Variants in COL19A1 observed in about 807,000 individuals in gnomAD.
COL19A1 encodes collagen type XIX alpha 1 chain, also known as collagen alpha-1(XIX) chain.
In COL19A1, 159 loss-of-function variants were observed where a neutral mutation model predicts 190.2. The observed-to-expected ratio is 0.84, with a 90% CI of 0.73 to 0.95. COL19A1 has a LOEUF of 0.95. Ranked by LOEUF, COL19A1 falls within the 40% of genes least tolerant of loss-of-function variation. COL19A1 has a pLI of 0.00. For missense variants in COL19A1, 1,418 were observed against 1,431.9 expected, an observed-to-expected ratio of 0.99 and a Z score of 0.16; for synonymous variants, 509 against 458.9, an observed-to-expected ratio of 1.11 and a Z score of -1.39.
chr6:69,891,922 A>T (rs561257599), intron 2 of COL19A1, among the ~76,000 whole-genome samples: 10 of 152,220 alleles, frequency 6.6e-5, no homozygotes, highest in African/African-American at 1.9e-4. Flanking sequence ...TAGGGCTTTG[A>T]CCAGAAGCTT....
Position 70,171,084 on chromosome 6 carries a change from A to G in COL19A1, c.2569-880A>G, listed in dbSNP as rs141873310. ...AACCCATGGCCCATGGGCTGCATGC[A>G]GCTCAGGAAAGCTTTGAATATGGCC... On this transcript the variant is annotated intron_variant, in intron 40 of 50. Coordinates refer to ENST00000620364, the MANE Select transcript of COL19A1 (RefSeq NM_001858.6). 2.2e-3 allele frequency among the ~76,000 whole-genome samples: 331 copies of G among 152,334 alleles called. 3 individuals carry two copies. The highest frequency in any genetic ancestry group is 0.018 in the East Asian group (92 of 5,190).
At chr6:70,132,458 C>A (rs1487145755) in intron 18 of COL19A1, among the ~76,000 whole-genome samples, 1 of 152,132 alleles carries the variant, frequency 6.6e-6, no homozygotes, top group Non-Finnish European at 1.5e-5. Context: ...GAAATCAACT[C>A]TACCTATGTA....
At chr6:69,997,370 C>T (rs1776977310) in intron 11 of COL19A1, among the ~76,000 whole-genome samples, 1 of 152,182 alleles carries the variant, frequency 6.6e-6, no homozygotes, top group African/African-American at 2.4e-5. Context: ...GATGTGGTGG[C>T]TCACGCCTGT....
intron 12 of COL19A1, among the ~76,000 whole-genome samples, chr6:70,025,273 G>A (rs1407361147): frequency 2.6e-5 from 4 of 152,088 alleles, no homozygotes; most frequent in South Asian, 2.1e-4. Context: ...CTCGTGATCC[G>A]CCCGCGTCGG....
Position 70,137,711 on chromosome 6 carries a change from A to C in COL19A1, c.1410A>C (p.Pro470=). Residue 470 remains proline, a synonymous_variant, in exon 19 of 51, where the codon CCA becomes CCC. Coordinates refer to ENST00000620364, the MANE Select transcript of COL19A1 (RefSeq NM_001858.6). ...DKGETGLPGF[P]GSVGPKGQKG... ...GTGAAACTGGACTACCAGGATTTCCAGGGTCTGTTGGCCCTAAAGGACAAA... is the reference window on the plus strand; with the variant it reads ...GTGAAACTGGACTACCAGGATTTCCCGGGTCTGTTGGCCCTAAAGGACAAA... 1 of 1,613,402 alleles carries C rather than the reference A, an allele frequency of 6.2e-7. No individual in the cohort carries two copies. Among genetic ancestry groups the C allele is most frequent in the Non-Finnish European group, 8.5e-7 (1 of 1,179,456 alleles).
At chr6:69,985,815 T>C (rs1776280189) in intron 11 of COL19A1, among the ~76,000 whole-genome samples, 1 of 152,170 alleles carries the variant, frequency 6.6e-6, no homozygotes, top group South Asian at 2.1e-4. Context: ...TCTAGTAGTG[T>C]GTGTAATATA....
intron 2 of COL19A1, among the ~76,000 whole-genome samples, chr6:69,892,757 T>G (rs1769440607): frequency 6.6e-6 from 1 of 152,202 alleles, no homozygotes; most frequent in African/African-American, 2.4e-5. Context: ...GTACAGGAAC[T>G]GTGTAGACAA....
intron 10 of COL19A1, among the ~76,000 whole-genome samples, chr6:69,961,778 T>C (rs1325844964): frequency 6.6e-6 from 1 of 151,992 alleles, no homozygotes; most frequent in Non-Finnish European, 1.5e-5. Flanking sequence ...AATTATATAA[T>C]CATAAACATA....
At position 70,199,574 on chromosome 6, in the gene COL19A1, CTATGA is replaced by C. The variant is rs750100178; in HGVS notation, c.3095-30_3095-26del. The C allele has an allele frequency of 3.6e-6, 5 of 1,392,800 alleles. No homozygotes were observed. The Admixed American group carries it at 7.5e-5, about 21-fold the overall frequency. The allele number at this position is 1,392,800 out of a possible 1,614,324, so 86.3% of individuals were successfully genotyped here. On this transcript the variant is annotated intron_variant, in intron 48 of 50. Transcript: ENST00000620364. ...TTTTTTGACATAAAATATTTCTGTT[CTATGA>C]TATATTATTTTTTCTTCTATACATG... is the stretch of plus-strand genomic sequence containing the variant.
chr6:70,051,862 A>G (rs1780221641), intron 14 of COL19A1, among the ~76,000 whole-genome samples: 1 of 152,132 alleles, frequency 6.6e-6, no homozygotes, highest in African/African-American at 2.4e-5. Flanking sequence ...TTTGTCTCAT[A>G]TAGCATTTAA....
intron 11 of COL19A1, among the ~76,000 whole-genome samples, chr6:69,987,696 T>G (rs757598235): frequency 6.6e-6 from 1 of 152,198 alleles, no homozygotes; most frequent in Non-Finnish European, 1.5e-5. Flanking sequence ...ACCTCCCAGC[T>G]GTGCTTAACT....
intron 11 of COL19A1, among the ~76,000 whole-genome samples, chr6:69,992,510 T>C (rs893256041): frequency 1.3e-5 from 2 of 152,184 alleles, no homozygotes; most frequent in African/African-American, 4.8e-5. Flanking sequence ...AGTAGTTTGA[T>C]AGAAATAGCA....
chr6:69,946,703 G>T (rs921654552), intron 9 of COL19A1, among the ~76,000 whole-genome samples: 1 of 151,840 alleles, frequency 6.6e-6, no homozygotes, highest in Non-Finnish European at 1.5e-5. Flanking sequence ...AAGCATTTCT[G>T]TATTTTAGGG....
intron 14 of COL19A1, among the ~76,000 whole-genome samples, chr6:70,055,988 G>A (rs1436906533): frequency 2.6e-5 from 4 of 151,742 alleles, no homozygotes; most frequent in Admixed American, 2.0e-4. Flanking sequence ...TGTTTTCTGA[G>A]AGTATCATTC....
chr6:70,161,196 T>G (rs1214377252), intron 34 of COL19A1, among the ~76,000 whole-genome samples: 2 of 152,174 alleles, frequency 1.3e-5, no homozygotes, highest in African/African-American at 4.8e-5. Context: ...AAATTTCTTC[T>G]TATAATAAAC....
At chr6:69,905,478 C>T (rs779939962) in intron 4 of COL19A1, among the ~76,000 whole-genome samples, 29 of 152,058 alleles carry the variant, frequency 1.9e-4, no homozygotes, top group Non-Finnish European at 3.1e-4. Context: ...CCTGGCTCCC[C>T]GCTGTTCATC....
chr6:69,925,064 T>G (rs1158469662), intron 4 of COL19A1, among the ~76,000 whole-genome samples: 1 of 152,226 alleles, frequency 6.6e-6, no homozygotes, highest in East Asian at 1.9e-4. Flanking sequence ...TAGTTTCTTT[T>G]GCTGTGCAGA....
chr6:69,941,782 G>A (rs1475052433), intron 9 of COL19A1, among the ~76,000 whole-genome samples: 1 of 150,540 alleles, frequency 6.6e-6, no homozygotes, highest in Non-Finnish European at 1.5e-5. Context: ...TCCGCCTCCC[G>A]GGTTCAAGCG....
intron 44 of COL19A1, among the ~76,000 whole-genome samples, chr6:70,182,147 C>T (rs1428297946): frequency 2.0e-5 from 3 of 152,108 alleles, no homozygotes; most frequent in Admixed American, 1.3e-4. Context: ...GAAAACATCA[C>T]CATCATCTCC....
Sources: gnomAD v4.1 joint callset for allele counts (sites outside exome capture counted in the v4.1 genomes callset) on GRCh38, gnomAD v4.1.1 for gene constraint, MANE v1.5 for transcripts, NCBI Gene and HGNC (gene_info 2026-07-23, HGNC 2026-07-21) for gene names.